Variants in ADAMTS16 observed in about 807,000 individuals in gnomAD.
ADAMTS16 encodes the protein A disintegrin and metalloproteinase with thrombospondin motifs 16.
ADAMTS16 carries 94 observed loss-of-function variants against 145.8 expected under a neutral mutation model. That is an observed-to-expected ratio of 0.64 (90% CI 0.55 to 0.77). The LOEUF (loss-of-function observed/expected upper bound fraction) is 0.77. ADAMTS16 is among the 30% of genes least tolerant of loss of function. ADAMTS16 has a pLI of 0.00. For missense variants in ADAMTS16, 1,585 were observed against 1,591.5 expected (o/e 1.00, Z 0.07); for synonymous variants, 659 against 604.3 (o/e 1.09, Z -1.33).
intron 17 of ADAMTS16, among the ~76,000 whole-genome samples, chr5:5,253,113 T>C (rs1026632529): frequency 7.2e-5 from 11 of 152,210 alleles, no homozygotes; most frequent in African/African-American, 2.4e-4. Context: ...AGCCTGTGAA[T>C]GCAAAATATC....
At chr5:5,245,447 T>G (rs1737411050) in intron 17 of ADAMTS16, among the ~76,000 whole-genome samples, 1 of 152,222 alleles carries the variant, frequency 6.6e-6, no homozygotes, top group Non-Finnish European at 1.5e-5. Context: ...CTTGACCTGA[T>G]TCCCAAAGGA....
intron 18 of ADAMTS16, among the ~76,000 whole-genome samples, chr5:5,275,533 ATGAT>A (rs544213174): frequency 2.0e-4 from 30 of 152,216 alleles, no homozygotes; most frequent in South Asian, 1.9e-3. Context: ...ATTTCACATT[ATGAT>A]TGATTGTTTT....
At chr5:5,272,405 A>C (rs1470008589) in intron 18 of ADAMTS16, among the ~76,000 whole-genome samples, 5 of 126,170 alleles carry the variant, frequency 4.0e-5, no homozygotes, top group African/African-American at 1.5e-4. Flanking sequence ...TCTGTCACCC[A>C]GGCTGGAGTG....
chr5:5,246,962 G>C (rs1460345966), intron 17 of ADAMTS16, among the ~76,000 whole-genome samples: 1 of 152,190 alleles, frequency 6.6e-6, no homozygotes, highest in Non-Finnish European at 1.5e-5. Flanking sequence ...AGATCTCCAG[G>C]CCTGTGGGCA....
At chr5:5,141,185 A>G (rs993544864) in intron 2 of ADAMTS16, among the ~76,000 whole-genome samples, 1 of 152,184 alleles carries the variant, frequency 6.6e-6, no homozygotes, top group African/African-American at 2.4e-5. Context: ...TTTATAGATT[A>G]AAATATTCCT....
rs1362504333 is a variant in ADAMTS16 at position 5,182,275 on chromosome 5, AAGC to A, written c.738_740del (p.Gln246del). The A allele has an allele frequency of 2.5e-6, 4 of 1,613,378 alleles. No homozygotes were observed. The Admixed American group carries it at 5.0e-5, about 20-fold the overall frequency. ...CGACCTTCGCCTGGGACTGCCACAA[AAGC>A]AGCATTTCTGTGGAAGACGCAAGAA... On this transcript the variant is annotated inframe_deletion, in exon 4 of 23. Coordinates refer to ENST00000274181, the MANE Select transcript of ADAMTS16 (RefSeq NM_139056.4).
At chr5:5,296,821 T>G (rs906819929) in intron 18 of ADAMTS16, among the ~76,000 whole-genome samples, 2 of 152,092 alleles carry the variant, frequency 1.3e-5, no homozygotes, top group African/African-American at 4.8e-5. Context: ...CAACCTCAGA[T>G]GTAATTAGGT....
At chr5:5,316,418 C>G (rs908578754) in intron 21 of ADAMTS16, among the ~76,000 whole-genome samples, 1 of 152,174 alleles carries the variant, frequency 6.6e-6, no homozygotes, top group Non-Finnish European at 1.5e-5. Flanking sequence ...CCAACCCTAG[C>G]CTCGTTTGAG....
At chr5:5,263,934 C>T (rs924118798) in intron 18 of ADAMTS16, among the ~76,000 whole-genome samples, 5 of 152,008 alleles carry the variant, frequency 3.3e-5, no homozygotes, top group African/African-American at 1.2e-4. Flanking sequence ...ATGGTGAGGG[C>T]GGAGAATTTT....
chr5:5,229,878 C>G (rs960455868), intron 11 of ADAMTS16, among the ~76,000 whole-genome samples: 1 of 152,146 alleles, frequency 6.6e-6, no homozygotes, highest in African/African-American at 2.4e-5. Context: ...TGTAAAGGAT[C>G]TGGGAAATGA....
intron 10 of ADAMTS16, among the ~76,000 whole-genome samples, chr5:5,222,343 G>GGATT (rs746135557): frequency 0.014 from 2,058 of 152,060 alleles, 21 homozygotes; most frequent in Non-Finnish European, 0.023. Flanking sequence ...ATGGATGGAT[G>GGATT]GATGGATGGA....
intron 3 of ADAMTS16, 43 bp downstream of exon 3, chr5:5,146,498 A>G: frequency 2.6e-6 from 4 of 1,552,920 alleles, no homozygotes; most frequent in Non-Finnish European, 2.6e-6. Flanking sequence ...GAGGTTGGTG[A>G]TGGTGGAAAG....
At chr5:5,225,725 A>T (rs895699759) in intron 11 of ADAMTS16, among the ~76,000 whole-genome samples, 1 of 152,172 alleles carries the variant, frequency 6.6e-6, no homozygotes, top group Non-Finnish European at 1.5e-5. Flanking sequence ...TCCACATTTT[A>T]CATGTGAGTG....
intron 22 of ADAMTS16, 84 bp downstream of exon 22, chr5:5,318,365 G>C (rs931976119): frequency 2.3e-6 from 3 of 1,277,040 alleles, no homozygotes; most frequent in Admixed American, 3.3e-5. Flanking sequence ...GGGGCCTGGA[G>C]TTAGGGTCTT....
rs1221503564 is a variant in ADAMTS16, at chr5:5,317,693, C to T, written c.3412-441C>T. On this transcript the variant is annotated intron_variant, in intron 21 of 22. Transcript: ENST00000274181. This position sits in a 1 kb window ranked among gnomAD's most constrained non-coding sequence, Gnocchi z 4.5. ...GATTACAGGCATGAGCCACCGTGCC[C>T]GGCAGTATATTTACTTTTTTAAAAA... Among the ~76,000 whole-genome samples, 2 of 152,114 alleles carry T rather than the reference C, an allele frequency of 1.3e-5. No homozygotes were observed. Among genetic ancestry groups the T allele is most frequent in the South Asian group, 2.1e-4 (1 of 4,822 alleles).
rs1734001286 is a variant in ADAMTS16 at position 5,315,178 on chromosome 5, C to A, written c.3412-2956C>A. ...AGTGCTGAGGAAAGGGGGAAAAGCC[C>A]CTTGCAAAACCATCAGATCTCATGA... On this transcript the variant is annotated intron_variant, in intron 21 of 22. Transcript: ENST00000274181. 3.3e-5 allele frequency among the ~76,000 whole-genome samples: 5 copies of A among 152,136 alleles called. No individual in the cohort carries two copies. The South Asian group carries it at 1.0e-3, about 32-fold the overall frequency.
At chr5:5,176,641 A>G (rs1483591483) in intron 3 of ADAMTS16, among the ~76,000 whole-genome samples, 2 of 152,350 alleles carry the variant, frequency 1.3e-5, no homozygotes, top group Admixed American at 1.3e-4. Flanking sequence ...GTGAACAAGG[A>G]ACATATAGAT....
At chr5:5,257,900 T>A (rs1340973893) in intron 17 of ADAMTS16, among the ~76,000 whole-genome samples, 1 of 152,216 alleles carries the variant, frequency 6.6e-6, no homozygotes, top group Non-Finnish European at 1.5e-5. Context: ...TCCCACAGGC[T>A]TTCCCTTTCA....
At chr5:5,285,963 T>G (rs1015020451) in intron 18 of ADAMTS16, among the ~76,000 whole-genome samples, 1 of 152,230 alleles carries the variant, frequency 6.6e-6, no homozygotes, top group African/African-American at 2.4e-5. Context: ...CAATTCTCTG[T>G]TGCGACTTGT....
Sources: gnomAD v4.1 joint callset for allele counts (sites outside exome capture counted in the v4.1 genomes callset) on GRCh38, gnomAD v4.1.1 for gene constraint, Gnocchi (gnomAD v3.1) non-coding constraint, MANE v1.5 for transcripts, NCBI Gene and HGNC (gene_info 2026-07-23, HGNC 2026-07-21) for gene names.